The following LINC00632 variants were observed in gnomAD, a reference collection of about 807,000 sequenced individuals.
LINC00632 encodes the protein long independently transcribed non-coding RNA 632.
At chrX:140,765,051 T>C (rs1366723804) in intron 3 of LINC00632, among the ~76,000 whole-genome samples, 2 of 111,461 alleles carry the variant, frequency 1.8e-5, no homozygotes, top group African/African-American at 6.5e-5. Flanking sequence ...TTCAAAGTTA[T>C]AGCCAAAATT....
intron 2 of LINC00632, among the ~76,000 whole-genome samples, chrX:140,726,305 C>T (rs1930960744): frequency 9.0e-6 from 1 of 110,968 alleles, no homozygotes; most frequent in East Asian, 2.8e-4. Flanking sequence ...ATGGACACAC[C>T]CAAAATACAC....
At chrX:140,732,598 C>T (rs775829214) in intron 2 of LINC00632, among the ~76,000 whole-genome samples, 1 of 111,466 alleles carries the variant, frequency 9.0e-6, no homozygotes, top group Non-Finnish European at 1.9e-5. Flanking sequence ...TGTATATACA[C>T]GTATACATGT....
At chrX:140,711,381 T>A (rs988173719) in intron 1 of LINC00632, among the ~76,000 whole-genome samples, 5 of 111,757 alleles carry the variant, frequency 4.5e-5, no homozygotes, top group South Asian at 7.5e-4. Flanking sequence ...AGATCACATG[T>A]ACATACAATT....
chrX:140,755,977 GTATT>G (rs72258911), intron 3 of LINC00632, among the ~76,000 whole-genome samples: 4,650 of 110,243 alleles, frequency 0.042, 230 homozygotes, highest in African/African-American at 0.15. Flanking sequence ...TATTGGATCA[GTATT>G]TAAATATTAT....
At chrX:140,736,493 G>A (rs1931146814) in intron 3 of LINC00632, among the ~76,000 whole-genome samples, 1 of 95,311 alleles carries the variant, frequency 1.0e-5, no homozygotes, top group Non-Finnish European at 2.0e-5. Flanking sequence ...CTGGAGTGCA[G>A]TGAGTTGATC....
intron 2 of LINC00632, among the ~76,000 whole-genome samples, chrX:140,721,273 C>T (rs1302875538): frequency 9.0e-6 from 1 of 111,585 alleles, no homozygotes; most frequent in Non-Finnish European, 1.9e-5. Flanking sequence ...CCCTGCAAAA[C>T]TCCAGAATGC....
exon 5 of LINC00632, chrX:140,783,241 C>A (rs778951141): frequency 5.8e-5 from 14 of 239,596 alleles, no homozygotes; most frequent in Non-Finnish European, 1.1e-4. Flanking sequence ...TTCAAGTCTT[C>A]CAATAATCTC....
At chrX:140,776,481 G>T (rs1297062326) in exon 5 of LINC00632, among the ~76,000 whole-genome samples, 2 of 112,990 alleles carry the variant, frequency 1.8e-5, no homozygotes, top group African/African-American at 6.4e-5. Context: ...CCGCGCGTCC[G>T]GCGCTGTCCC....
chrX:140,725,318 TAC>T (rs371125359), intron 2 of LINC00632, among the ~76,000 whole-genome samples: 1,732 of 100,698 alleles, frequency 0.017, 35 homozygotes, highest in African/African-American at 0.062. Flanking sequence ...ACACATTCCA[TAC>T]ACACACACAT....
intron 3 of LINC00632, among the ~76,000 whole-genome samples, chrX:140,763,580 C>CT (rs780113180): frequency 9.0e-6 from 1 of 110,897 alleles, no homozygotes; most frequent in Non-Finnish European, 1.9e-5. Flanking sequence ...GATATTTGTT[C>CT]TTGTACTGAC....
intron 3 of LINC00632, among the ~76,000 whole-genome samples, chrX:140,754,511 C>T (rs771498341): frequency 9.0e-6 from 1 of 111,226 alleles, no homozygotes; most frequent in Non-Finnish European, 1.9e-5. Flanking sequence ...GACAGGAAAT[C>T]GTACCTTGAA....
At chrX:140,750,423 ATAAC>A (rs1017259379) in intron 3 of LINC00632, among the ~76,000 whole-genome samples, 1 of 110,743 alleles carries the variant, frequency 9.0e-6, no homozygotes, top group Non-Finnish European at 1.9e-5. Flanking sequence ...CACCACAAAA[ATAAC>A]TATGTGAGGT....
At chrX:140,766,229 T>C (rs765433083) in intron 3 of LINC00632, among the ~76,000 whole-genome samples, 133 of 112,197 alleles carry the variant, frequency 1.2e-3, no homozygotes, top group Admixed American at 2.4e-3. Flanking sequence ...GCACTGTTGC[T>C]ACATAGAATC....
chrX:140,766,421 ACAAT>A (rs777154472), intron 3 of LINC00632, among the ~76,000 whole-genome samples: 111 of 112,418 alleles, frequency 9.9e-4, no homozygotes, highest in Admixed American at 3.2e-3. Flanking sequence ...ATGTTCCATA[ACAAT>A]CAAAGATTAA....
intron 2 of LINC00632, among the ~76,000 whole-genome samples, chrX:140,715,670 C>T (rs1450144106): frequency 9.0e-6 from 1 of 111,643 alleles, no homozygotes; most frequent in Non-Finnish European, 1.9e-5. Context: ...CTATACAATG[C>T]AAACATGTAT....
chrX:140,778,799 T>C (rs1300665081), exon 5 of LINC00632, among the ~76,000 whole-genome samples: 2 of 111,638 alleles, frequency 1.8e-5, no homozygotes, highest in African/African-American at 3.3e-5. Context: ...ATGATCTTAG[T>C]TGTCATAGAA....
At chrX:140,709,823 A>G (rs990879659) in intron 1 of LINC00632, 3 of 339,246 alleles carry the variant, frequency 8.8e-6, no homozygotes, top group African/African-American at 8.0e-5. Flanking sequence ...GCTGAGAAAT[A>G]TTTTGTAAAA....
At chrX:140,742,860 AGAGAGAGAG>A (rs1931248801) in intron 3 of LINC00632, among the ~76,000 whole-genome samples, 1 of 94,979 alleles carries the variant, frequency 1.1e-5, no homozygotes, top group Admixed American at 1.2e-4. Context: ...AGAGAGAGAG[AGAGAGAGAG>A]AGAGAGAGAG....
At chrX:140,743,561 C>CA (rs1028245425) in intron 3 of LINC00632, among the ~76,000 whole-genome samples, 5 of 107,472 alleles carry the variant, frequency 4.7e-5, no homozygotes, top group Admixed American at 1.0e-4. Context: ...TGAATTTTTA[C>CA]AAAAAAAAAG....
Sources: gnomAD v4.1 joint callset for allele counts (sites outside exome capture counted in the v4.1 genomes callset) on GRCh38, gnomAD v4.1.1 for gene constraint, MANE v1.5 for transcripts, NCBI Gene and HGNC (gene_info 2026-07-23, HGNC 2026-07-21) for gene names.